The following ECM2 variants were observed in gnomAD, a reference collection of about 807,000 sequenced individuals.
The protein encoded by ECM2 is extracellular matrix protein 2, female organ and adipocyte specific.
In ECM2, 57 loss-of-function variants were observed where a neutral mutation model predicts 67.5. That is an observed-to-expected ratio of 0.84 (90% CI 0.68 to 1.05). The LOEUF is 1.05. Among genes scored for constraint, ECM2 ranks in the 50% least tolerant of loss-of-function variants. The pLI is 0.00. For synonymous variants in ECM2, 258 were observed against 294.5 expected, an observed-to-expected ratio of 0.88 and a Z score of 1.27; for missense variants, 741 against 822.8, an observed-to-expected ratio of 0.90 and a Z score of 1.22.
intron 2 of ECM2, 52 bp downstream of exon 2, chr9:92,522,523 C>T: frequency 1.4e-6 from 2 of 1,465,556 alleles, no homozygotes; most frequent in Non-Finnish European, 9.1e-7. Flanking sequence ...TTCCCCATAC[C>T]ATCTCTCACC....
chr9:92,546,669 C>A, the ECM2 span, among the ~76,000 whole-genome samples: 2 of 152,198 alleles, frequency 1.3e-5, no homozygotes, highest in African/African-American at 2.4e-5. Context: ...CTGTAACACT[C>A]ACCGTGAGGG....
the ECM2 span, among the ~76,000 whole-genome samples, chr9:92,555,417 C>T: frequency 1.3e-5 from 2 of 150,892 alleles, no homozygotes; most frequent in Non-Finnish European, 3.0e-5. Flanking sequence ...TCAGTAGAAA[C>T]GGGATTTCAC....
At chr9:92,541,805 T>G in the ECM2 span, among the ~76,000 whole-genome samples, 1 of 152,068 alleles carries the variant, frequency 6.6e-6, no homozygotes, top group Admixed American at 6.6e-5. Flanking sequence ...CCTTTTTTGT[T>G]TTTTTTGAGA....
chr9:92,523,798 A>G (rs1848221536), intron 1 of ECM2, among the ~76,000 whole-genome samples: 1 of 152,198 alleles, frequency 6.6e-6, no homozygotes. Flanking sequence ...CCTTGAGCAC[A>G]GTGTTTATAG....
chr9:92,555,214 A>ATTTTTTTT, the ECM2 span, among the ~76,000 whole-genome samples: 1 of 63,464 alleles, frequency 1.6e-5, no homozygotes, highest in Non-Finnish European at 2.6e-5. Flanking sequence ...TTTTTTGGAA[A>ATTTTTTTT]TTTTTTTTTT....
At chr9:92,504,586 A>AGTGTAGT (rs1376340596) in intron 7 of ECM2, among the ~76,000 whole-genome samples, 127 of 151,992 alleles carry the variant, frequency 8.4e-4, no homozygotes, top group African/African-American at 2.8e-3. Flanking sequence ...CCCAGGCTGG[A>AGTGTAGT]GTGTAGTGGT....
intron 2 of ECM2, among the ~76,000 whole-genome samples, chr9:92,520,017 C>T (rs1847961805): frequency 1.1e-5 from 1 of 90,436 alleles, no homozygotes; most frequent in Non-Finnish European, 2.1e-5. Flanking sequence ...TACAGTGGCT[C>T]TCGCTTGTAA....
Position 92,512,014 on chromosome 9 carries a change from G to C in ECM2, c.1167C>G (p.Phe389Leu). Reference protein sequence around the residue: ...ITSSGIGPKAFKLLKKLMRLN... With the variant: ...ITSSGIGPKALKLLKKLMRLN... Reference sequence around the variant, plus strand: ...ACAAATCAGAGCATGTATTTACCTTGAATGCTTTTGGACCTATGCCTGAAG... The same window carrying C: ...ACAAATCAGAGCATGTATTTACCTTCAATGCTTTTGGACCTATGCCTGAAG... The change falls in exon 5 of 10, where the codon TTC becomes TTG. Residue 389 changes from phenylalanine (F) to leucine (L), a missense_variant. By Grantham distance (22) the Phe-to-Leu change is conservative. Coordinates refer to ENST00000344604, the MANE Select transcript of ECM2 (RefSeq NM_001393.4). The C allele has an allele frequency of 6.2e-7, 1 of 1,605,996 alleles. No individual in the cohort carries two copies. The highest frequency in any genetic ancestry group is 8.5e-7 in the Non-Finnish European group (1 of 1,174,990).
Position 92,512,107 on chromosome 9 carries a change from G to A in ECM2, c.1074C>T (p.Ile358=). 1 of 1,613,622 alleles carries A rather than the reference G, an allele frequency of 6.2e-7. No homozygotes were observed. The highest frequency in any genetic ancestry group is 8.5e-7 in the Non-Finnish European group (1 of 1,179,714). ...GTAATCCATTAAATGCTTCATCTGGGATGGAGGCGATGGAATTGCCTAGGA... is the reference window on the plus strand; with the variant it reads ...GTAATCCATTAAATGCTTCATCTGGAATGGAGGCGATGGAATTGCCTAGGA... ...LELTGNSIAS[I]PDEAFNGLPN... is the part of the protein sequence containing the mutation. Residue 358 remains isoleucine (I), a synonymous_variant, in exon 5 of 10, where the codon ATC becomes ATT. Transcript: ENST00000344604.
chr9:92,533,344 T>A (rs1449435490), intron 1 of ECM2, among the ~76,000 whole-genome samples: 36 of 123,350 alleles, frequency 2.9e-4, no homozygotes, highest in Non-Finnish European at 5.0e-4. Context: ...TATATATATA[T>A]ATATATATAT....
At chr9:92,511,527 G>A (rs1847343520) in intron 5 of ECM2, among the ~76,000 whole-genome samples, 2 of 151,370 alleles carry the variant, frequency 1.3e-5, no homozygotes. Context: ...TCTTCCCCAA[G>A]CTATCCCTAA....
At chr9:92,517,250 G>C (rs111927950) in intron 3 of ECM2, 2,649 of 199,306 alleles carry the variant, frequency 0.013, 28 homozygotes, top group Non-Finnish European at 0.017. Context: ...CAGAGGGTTG[G>C]GGCTTTGTTC....
Position 92,517,704 on chromosome 9 carries a change from G to A in ECM2, c.464C>T (p.Pro155Leu), listed in dbSNP as rs147710026. The change falls in exon 3 of 10, where the codon CCG becomes CTG. Residue 155 changes from proline to leucine, a missense_variant. By Grantham distance (98) the Pro-to-Leu change is moderately conservative. Coordinates refer to ENST00000344604, the MANE Select transcript of ECM2 (RefSeq NM_001393.4). ...CTCTGTACCAGTAGCGGAGCAGACCGGGCAGCATTCCCCTTCAGGTATAAC... is the reference window on the plus strand; with the variant it reads ...CTCTGTACCAGTAGCGGAGCAGACCAGGCAGCATTCCCCTTCAGGTATAAC... ...QTVIPEGECC[P>L]VCSATVSYSL... The A allele has an allele frequency of 1.8e-3, 2,869 of 1,613,918 alleles. 2 individuals carry two copies. The highest frequency in any genetic ancestry group is 8.3e-3 in the Middle Eastern group (50 of 6,060).
intron 2 of ECM2, among the ~76,000 whole-genome samples, chr9:92,519,596 C>G (rs1441388998): frequency 2.0e-5 from 3 of 152,142 alleles, no homozygotes; most frequent in African/African-American, 4.8e-5. Flanking sequence ...TGGGACAACA[C>G]CAGCAAGAGA....
At chr9:92,533,322 A>T (rs1182481994) in intron 1 of ECM2, among the ~76,000 whole-genome samples, 435 of 89,024 alleles carry the variant, frequency 4.9e-3, no homozygotes, top group African/African-American at 7.3e-3. Flanking sequence ...AAAAAAAAAA[A>T]AAAAAAATAT....
At chr9:92,553,028 A>G in the ECM2 span, among the ~76,000 whole-genome samples, 1 of 151,330 alleles carries the variant, frequency 6.6e-6, no homozygotes, top group African/African-American at 2.4e-5. Flanking sequence ...ATCTTCTAGA[A>G]TTTTTATAGT....
chr9:92,514,391 C>T (rs1243983533), intron 4 of ECM2, among the ~76,000 whole-genome samples: 5 of 151,828 alleles, frequency 3.3e-5, no homozygotes, highest in South Asian at 2.1e-4. Context: ...TCTCCTGCCT[C>T]GGCCTTCTGA....
intron 2 of ECM2, among the ~76,000 whole-genome samples, chr9:92,520,754 C>T (rs1222312207): frequency 6.6e-6 from 1 of 152,098 alleles, no homozygotes; most frequent in Non-Finnish European, 1.5e-5. Context: ...ATGGTATAGC[C>T]ATACAATGGA....
Position 92,495,522 on chromosome 9 carries a change from A to G in ECM2, c.*793T>C. On this transcript the variant is annotated 3_prime_UTR_variant, in exon 10 of 10. Coordinates refer to ENST00000344604, the MANE Select transcript of ECM2 (RefSeq NM_001393.4). ...TTATAGTCAAGAATAATTAATTTGT[A>G]TTTTAAGCAAACTCTACTGCTTTTC... 2 of 983,466 alleles carry G rather than the reference A, an allele frequency of 2.0e-6. No homozygotes were observed. Among genetic ancestry groups the G allele is most frequent in the Non-Finnish European group, 2.4e-6 (2 of 828,100 alleles). 60.9% of individuals were successfully genotyped at this position (983,466 alleles called of 1,614,324 possible).
Sources: allele counts gnomAD v4.1 joint callset (sites outside exome capture counted in the v4.1 genomes callset), GRCh38; gene constraint gnomAD v4.1.1; transcripts MANE v1.5; gene names NCBI Gene and HGNC (gene_info 2026-07-23, HGNC 2026-07-21).